NPHP4: variants seen among roughly 807,000 people sequenced by gnomAD.
NPHP4 encodes nephrocystin-4.
Under a neutral mutation model 155.8 loss-of-function variants are expected in NPHP4, and 151 were observed. That is an observed-to-expected ratio of 0.97 (90% CI 0.85 to 1.11). NPHP4 has a LOEUF of 1.11. Ranked by LOEUF, NPHP4 falls within the 50% of genes least tolerant of loss-of-function variation. The pLI, the probability that NPHP4 is intolerant of heterozygous loss-of-function variation, is 0.00. For missense variants in NPHP4, 1,956 were observed against 1,925.7 expected, an observed-to-expected ratio of 1.02 and a Z score of -0.29; for synonymous variants, 845 against 816.8, an observed-to-expected ratio of 1.03 and a Z score of -0.59.
At chr1:5,911,407 A>G (rs1645173081) in intron 11 of NPHP4, among the ~76,000 whole-genome samples, 2 of 152,216 alleles carry the variant, frequency 1.3e-5, no homozygotes, top group East Asian at 3.8e-4. Flanking sequence ...AAATGGCTCC[A>G]TTATCTTCAG....
Position 5,863,408 on chromosome 1 carries a change from G to A in NPHP4, c.4141-3C>T, listed in dbSNP as rs1441321330. 3 of 1,591,054 alleles carry A rather than the reference G, an allele frequency of 1.9e-6. No individual in the cohort carries two copies. The highest frequency in any genetic ancestry group is 2.7e-5 in the African/African-American group (2 of 73,334). ...GTGTAGGTCTCTCCACCCCCGACCT[G>A]GAAATAAGCATCCAAATCCCAGCAT... On this transcript the variant is annotated splice_polypyrimidine_tract_variant and splice_region_variant and intron_variant, in intron 29 of 29. Transcript: ENST00000378156.
intron 3 of NPHP4, among the ~76,000 whole-genome samples, chr1:5,975,833 G>A (rs1653456727): frequency 6.6e-6 from 1 of 152,236 alleles, no homozygotes; most frequent in African/African-American, 2.4e-5. Context: ...GGCAGAGAGA[G>A]GCATCCATTC....
chr1:5,944,927 G>A lies in NPHP4; in HGVS notation c.1119+2177C>T, dbSNP rs1188072111. 2.0e-5 allele frequency among the ~76,000 whole-genome samples: 3 copies of A among 152,116 alleles called. No homozygotes were observed. Among genetic ancestry groups the A allele is most frequent in the East Asian group, 1.9e-4 (1 of 5,192 alleles). On this transcript the variant is annotated intron_variant, in intron 9 of 29. Transcript: ENST00000378156. This position sits in a 1 kb window ranked among gnomAD's most constrained non-coding sequence, Gnocchi z 4.3. ...GGAGGTTGCAGTGAGCCGAGATCGC[G>A]CCACTGAGGGGCGACAGAGTGAGAC...
At position 5,978,345 on chromosome 1, in the gene NPHP4, C is replaced by T; in HGVS notation, c.204G>A (p.Arg68=). ...TTTTCCACGTCCTCCCAAAGAAGTG[C>T]CGGTAGGTGACATCAAAGAAAGACA... ...LRVSFFDVTY[R]HFFGRTWKTT... The change falls in exon 3 of 30, where the codon CGG becomes CGA. Residue 68 remains arginine (R), a synonymous_variant. Transcript: ENST00000378156. The T allele has an allele frequency of 3.7e-6, 6 of 1,609,524 alleles. No individual in the cohort carries two copies. Among genetic ancestry groups the T allele is most frequent in the Non-Finnish European group, 4.2e-6 (5 of 1,178,072 alleles).
In NPHP4 at chr1:5,934,845, C is replaced by T. The variant is rs138976097; in HGVS notation, c.1120-1516G>A. ...GACACCCAGAGGATCCAGGAATTTG[C>T]GCTGCCCTGGGAGCGAAGGAGGAGG... On this transcript the variant is annotated intron_variant, in intron 9 of 29. Transcript: ENST00000378156. 3.6e-3 allele frequency among the ~76,000 whole-genome samples: 552 copies of T among 152,266 alleles called. 1 individual carries two copies. The highest frequency in any genetic ancestry group is 0.012 in the African/African-American group (507 of 41,546).
Position 5,955,101 on chromosome 1 carries a change from C to T in NPHP4, c.674-2265G>A, listed in dbSNP as rs189161215. Among the ~76,000 whole-genome samples, 50 of 151,268 alleles carry T rather than the reference C, an allele frequency of 3.3e-4. 1 individual carries two copies. The highest frequency in any genetic ancestry group is 1.3e-4 in the Non-Finnish European group (9 of 67,918). On this transcript the variant is annotated intron_variant, in intron 6 of 29. Coordinates refer to ENST00000378156, the MANE Select transcript of NPHP4 (RefSeq NM_015102.5). ...TTAACAGACATTTCTCAAAAGAAGACGTTCGAATACCTGTAGGCACAGGAA... is the reference window on the plus strand; with the variant it reads ...TTAACAGACATTTCTCAAAAGAAGATGTTCGAATACCTGTAGGCACAGGAA...
intron 5 of NPHP4, among the ~76,000 whole-genome samples, chr1:5,963,108 A>G (rs369025647): frequency 1.1e-3 from 172 of 152,376 alleles, no homozygotes; most frequent in African/African-American, 3.8e-3. Context: ...ATTATCAGAA[A>G]AAGAAATTTG....
chr1:5,953,986 A>T (rs1343726456), intron 6 of NPHP4, among the ~76,000 whole-genome samples: 2 of 152,226 alleles, frequency 1.3e-5, no homozygotes, highest in Admixed American at 1.3e-4. Flanking sequence ...CACTGAGGTA[A>T]CACTCCATGC....
At chr1:5,988,436 CTAAATTTTTTT>C (rs902594516) in intron 1 of NPHP4, among the ~76,000 whole-genome samples, 1 of 152,176 alleles carries the variant, frequency 6.6e-6, no homozygotes, top group Non-Finnish European at 1.5e-5. Flanking sequence ...TCCCACTCTT[CTAAATTTTTTT>C]TTGTTTTGGA....
At position 5,866,406 on chromosome 1, in the gene NPHP4, G is replaced by A. The variant is rs199625626; in HGVS notation, c.3611C>T (p.Pro1204Leu). 37 of 1,609,044 alleles carry A rather than the reference G, an allele frequency of 2.3e-5. 2 individuals are homozygous for A. In the Middle Eastern group the frequency reaches 8.2e-4, roughly 36 times the overall value. The change falls in exon 26 of 30, where the codon CCG (proline) becomes CTG (leucine). Residue 1204 changes from proline to leucine, a missense_variant. Transcript: ENST00000378156. ...IFLKVASGPS[P>L]EIKDFFVIIY... Reference sequence around the variant, plus strand: ...GATGACAAAGAAGTCTTTGATCTCCGGGCTTGGACCACTGGCCACCTTCAG... The same window carrying A: ...GATGACAAAGAAGTCTTTGATCTCCAGGCTTGGACCACTGGCCACCTTCAG...
intron 5 of NPHP4, among the ~76,000 whole-genome samples, chr1:5,964,447 G>T (rs934913816): frequency 1.3e-5 from 2 of 152,188 alleles, no homozygotes; most frequent in Admixed American, 6.5e-5. Context: ...GTGAGCCCCA[G>T]TTGCCTTTAG....
At position 5,867,679 on chromosome 1, in the gene NPHP4, G is replaced by A; in HGVS notation, c.3472+61C>T. ...TGAGGCCATCTGTCACCCTCAAGAG[G>A]TATCTACTTCCAACAGGTGAGCCTG... On this transcript the variant is annotated intron_variant, in intron 24 of 29. Transcript: ENST00000378156. This position sits in a 1 kb window ranked among gnomAD's most constrained non-coding sequence, Gnocchi z 4.1. 1 of 1,562,732 alleles carries A rather than the reference G, an allele frequency of 6.4e-7. No homozygotes were observed. Among genetic ancestry groups the A allele is most frequent in the South Asian group, 1.1e-5 (1 of 89,066 alleles).
chr1:5,950,022 TC>T (rs1647660433), intron 7 of NPHP4, among the ~76,000 whole-genome samples: 1 of 152,136 alleles, frequency 6.6e-6, no homozygotes, highest in South Asian at 2.1e-4. Context: ...ATGTGGCCTC[TC>T]CTGTGGCAGC....
chr1:5,986,114 A>G (rs568895581), intron 2 of NPHP4, 41 bp downstream of exon 2: 1 of 1,608,948 alleles, frequency 6.2e-7, no homozygotes, highest in East Asian at 2.2e-5. Context: ...CATGTCAGCT[A>G]AGAGCAATAA....
intron 6 of NPHP4, among the ~76,000 whole-genome samples, chr1:5,959,049 G>C (rs1405481714): frequency 6.7e-6 from 1 of 148,620 alleles, no homozygotes; most frequent in African/African-American, 2.5e-5. Flanking sequence ...CGGGGGGCGG[G>C]GGGGCGGCAG....
intron 9 of NPHP4, among the ~76,000 whole-genome samples, chr1:5,942,306 T>G (rs1366671762): frequency 1.3e-5 from 2 of 151,140 alleles, no homozygotes; most frequent in African/African-American, 2.4e-5. Flanking sequence ...CCAAGGCGGG[T>G]GGATCACAAG....
intron 9 of NPHP4, 86 bp downstream of exon 9, chr1:5,947,018 G>A (rs1647136601): frequency 2.1e-6 from 3 of 1,411,846 alleles, no homozygotes; most frequent in Non-Finnish European, 3.0e-6. Context: ...TGTTTTTAAT[G>A]GAAAAAGCAT....
intron 8 of NPHP4, among the ~76,000 whole-genome samples, chr1:5,947,563 G>C (rs980667609): frequency 4.6e-5 from 7 of 152,216 alleles, no homozygotes; most frequent in Admixed American, 1.3e-4. Flanking sequence ...ATACGGCCAA[G>C]TTACCAGGAA....
chr1:5,917,713 T>C (rs1645547943), intron 11 of NPHP4, among the ~76,000 whole-genome samples: 1 of 152,212 alleles, frequency 6.6e-6, no homozygotes, highest in African/African-American at 2.4e-5. Flanking sequence ...GCTTCAATGA[T>C]AAGACTCTTC....
Sources: allele counts gnomAD v4.1 joint callset (sites outside exome capture counted in the v4.1 genomes callset), GRCh38; gene constraint gnomAD v4.1.1; non-coding constraint Gnocchi (gnomAD v3.1); transcripts MANE v1.5; gene names NCBI Gene and HGNC (gene_info 2026-07-23, HGNC 2026-07-21).